GDAP1: variants seen among roughly 807,000 people sequenced by gnomAD.
GDAP1 encodes the protein ganglioside-induced differentiation-associated protein 1.
GDAP1 carries 34 observed loss-of-function variants against 40.1 expected under a neutral mutation model. That is an observed-to-expected ratio of 0.85 (90% CI 0.64 to 1.13). GDAP1 has a LOEUF of 1.13. Ranked by LOEUF, GDAP1 falls within the 50% of genes most tolerant of loss-of-function variation. The pLI, the probability that GDAP1 is intolerant of heterozygous loss-of-function variation, is 0.00. For synonymous variants in GDAP1, 170 were observed against 157.4 expected, an observed-to-expected ratio of 1.08 and a Z score of -0.60; for missense variants, 374 against 433.7, an observed-to-expected ratio of 0.86 and a Z score of 1.22.
intron 2 of GDAP1, among the ~76,000 whole-genome samples, chr8:74,355,063 C>G (rs529622971): frequency 3.3e-4 from 51 of 152,248 alleles, no homozygotes; most frequent in African/African-American, 1.0e-3. Flanking sequence ...TATTTCTATC[C>G]TTGTACTTTC....
chr8:74,353,319 A>G (rs997713754), intron 2 of GDAP1, among the ~76,000 whole-genome samples: 2 of 152,214 alleles, frequency 1.3e-5, no homozygotes, highest in Admixed American at 1.3e-4. Context: ...TTTTAGTCTG[A>G]TGCTGCCACT....
chr8:74,368,504 G>T (rs774673871), downstream of GDAP1, among the ~76,000 whole-genome samples: 1 of 152,164 alleles, frequency 6.6e-6, no homozygotes, highest in East Asian at 1.9e-4. Context: ...TGGTTACATT[G>T]TAAAAATTCT....
At chr8:74,398,788 C>G (rs1466014583) in intron 2 of GDAP1, among the ~76,000 whole-genome samples, 1 of 151,920 alleles carries the variant, frequency 6.6e-6, no homozygotes, top group Admixed American at 6.5e-5. Flanking sequence ...AAGGCCTTTT[C>G]TGCATCTATT....
chr8:74,402,274 C>A (rs1292385215), intron 2 of GDAP1, among the ~76,000 whole-genome samples: 2 of 150,508 alleles, frequency 1.3e-5, no homozygotes, highest in Admixed American at 1.3e-4. Flanking sequence ...GCCCCTCCCC[C>A]AGCCTCGCTG....
intron 2 of GDAP1, among the ~76,000 whole-genome samples, chr8:74,428,734 G>A (rs538413034): frequency 1.4e-3 from 192 of 135,186 alleles, no homozygotes; most frequent in Middle Eastern, 4.7e-3. Context: ...CACCCACCTC[G>A]GCCTCCCAAA....
At chr8:74,394,187 G>T (rs907038798) in intron 2 of GDAP1, among the ~76,000 whole-genome samples, 5 of 152,292 alleles carry the variant, frequency 3.3e-5, no homozygotes, top group Non-Finnish European at 5.9e-5. Context: ...GAGAGCTTGT[G>T]CAGGGAAACT....
chr8:74,354,847 G>A (rs1563439333), intron 2 of GDAP1, among the ~76,000 whole-genome samples: 1 of 152,164 alleles, frequency 6.6e-6, no homozygotes, highest in Non-Finnish European at 1.5e-5. Flanking sequence ...TAGAATAAGT[G>A]GATGGATTTC....
At chr8:74,417,299 A>ATATT (rs1805795594) in intron 2 of GDAP1, among the ~76,000 whole-genome samples, 1 of 150,260 alleles carries the variant, frequency 6.7e-6, no homozygotes, top group African/African-American at 2.5e-5. Flanking sequence ...ATCACAATTG[A>ATATT]CAGTGAAAGA....
At chr8:74,397,359 A>G (rs1319011548) in intron 2 of GDAP1, among the ~76,000 whole-genome samples, 1 of 151,946 alleles carries the variant, frequency 6.6e-6, no homozygotes, top group Non-Finnish European at 1.5e-5. Context: ...TCTTTAGTTT[A>G]ATTAGATTCC....
chr8:74,373,018 T>C (rs538697809), intron 2 of GDAP1, among the ~76,000 whole-genome samples: 50 of 152,292 alleles, frequency 3.3e-4, no homozygotes, highest in African/African-American at 1.2e-3. Flanking sequence ...ATTTGTTAAA[T>C]AGGGAATCAT....
chr8:74,473,747 C>T (rs188593802), intron 2 of GDAP1, among the ~76,000 whole-genome samples: 155 of 152,232 alleles, frequency 1.0e-3, no homozygotes, highest in African/African-American at 3.7e-3. Flanking sequence ...ATGATGCCTC[C>T]TGCTTTGTTC....
chr8:74,370,693 T>G (rs981056480), downstream of GDAP1, among the ~76,000 whole-genome samples: 1 of 152,210 alleles, frequency 6.6e-6, no homozygotes. Flanking sequence ...AATGTTCCAA[T>G]TGAAGGTCAG....
rs142774822 is a variant in GDAP1 at position 74,351,834 on chromosome 8, C to G, written c.310+368C>G. Among the ~76,000 whole-genome samples the G allele has an allele frequency of 2.7e-4, 41 of 152,190 alleles. No individual in the cohort carries two copies. The East Asian group carries it at 7.5e-3, about 28-fold the overall frequency. On this transcript the variant is annotated intron_variant, in intron 2 of 5. Transcript: ENST00000220822. Reference sequence around the variant, plus strand: ...CATCTAATATACCAAATGGTTTCACCTTAAAAACAAGAGGGAAAAAAGAGC... The same window carrying G: ...CATCTAATATACCAAATGGTTTCACGTTAAAAACAAGAGGGAAAAAAGAGC...
At chr8:74,487,349 T>G (rs1483458926) in intron 2 of GDAP1, among the ~76,000 whole-genome samples, 1 of 152,136 alleles carries the variant, frequency 6.6e-6, no homozygotes, top group Non-Finnish European at 1.5e-5. Flanking sequence ...TCTAAAACAT[T>G]AATTCATAGC....
chr8:74,483,753 C>G (rs1490005659), intron 2 of GDAP1, among the ~76,000 whole-genome samples: 3 of 152,086 alleles, frequency 2.0e-5, no homozygotes, highest in African/African-American at 2.4e-5. Flanking sequence ...ATGCTTAACT[C>G]CAGTTATATT....
chr8:74,394,666 A>G (rs564611849), intron 2 of GDAP1, among the ~76,000 whole-genome samples: 3 of 152,244 alleles, frequency 2.0e-5, no homozygotes, highest in South Asian at 4.2e-4. Flanking sequence ...ATATATGTCA[A>G]TATTGACCAG....
downstream of GDAP1, among the ~76,000 whole-genome samples, chr8:74,367,774 A>G (rs973630416): frequency 2.6e-5 from 4 of 152,234 alleles, no homozygotes; most frequent in African/African-American, 9.6e-5. Flanking sequence ...TATGTATTAC[A>G]TTATGAAAAT....
In GDAP1 at chr8:74,384,771, T is replaced by C. The variant is rs111659613; in HGVS notation, c.165+33450T>C. ...TGTCGCCAACGAAATGCCATGCTTA[T>C]GTATCATTGTGTAGCTGCACCGACT... On this transcript the variant is annotated intron_variant, in intron 2 of 2. Transcript: ENST00000523640. Among the ~76,000 whole-genome samples the C allele has an allele frequency of 5.4e-3, 826 of 152,352 alleles. 6 individuals carry two copies. The highest frequency in any genetic ancestry group is 0.019 in the African/African-American group (794 of 41,600).
rs573594122 is a variant in GDAP1 at position 74,416,805 on chromosome 8, A to G, written c.165+65484A>G. On this transcript the variant is annotated intron_variant, in intron 2 of 2. Coordinates refer to the GDAP1 transcript ENST00000523640. The stretch of plus-strand genomic sequence containing the variant: ...CTCACCTTCAGGGACTCCTGCTCCT[A>G]GGGGGAAGGGGAGTGCACTGCATCA... 2.0e-5 allele frequency among the ~76,000 whole-genome samples: 3 copies of G among 149,940 alleles called. No individual in the cohort carries two copies. The South Asian group carries it at 6.2e-4, about 31-fold the overall frequency.
Sources: gnomAD v4.1 joint callset for allele counts (sites outside exome capture counted in the v4.1 genomes callset) on GRCh38, gnomAD v4.1.1 for gene constraint, MANE v1.5 for transcripts, NCBI Gene and HGNC (gene_info 2026-07-23, HGNC 2026-07-21) for gene names.